FRMD6: variants seen among roughly 807,000 people sequenced by gnomAD.
FRMD6 encodes the protein FERM domain containing 6, also known as FERM domain-containing protein 6.
Under a neutral mutation model 73.2 loss-of-function variants are expected in FRMD6, and 37 were observed. The ratio of observed to expected loss-of-function variants is 0.51; its 90% CI spans 0.39 to 0.66. The LOEUF (loss-of-function observed/expected upper bound fraction) is 0.66, where lower values mean the gene tolerates loss of function less well. Among genes scored for constraint, FRMD6 ranks in the 30% least tolerant of loss-of-function variants. The pLI is 0.00. For synonymous variants in FRMD6, 273 were observed against 282.2 expected, an observed-to-expected ratio of 0.97 and a Z score of 0.33; for missense variants, 714 against 780.5, an observed-to-expected ratio of 0.91 and a Z score of 1.02.
intron 2 of FRMD6, among the ~76,000 whole-genome samples, chr14:51,693,383 T>G (rs1895735409): frequency 6.6e-6 from 1 of 152,170 alleles, no homozygotes; most frequent in African/African-American, 2.4e-5. Flanking sequence ...TCTAACATGG[T>G]TAGGACTATG....
chr14:51,713,081 T>A (rs1381375633), intron 9 of FRMD6, among the ~76,000 whole-genome samples: 1 of 152,172 alleles, frequency 6.6e-6, no homozygotes, highest in Non-Finnish European at 1.5e-5. Flanking sequence ...TTTTCCCAAG[T>A]ATTTCTCTTT....
At chr14:51,571,086 C>T (rs372190286) in intron 2 of FRMD6, among the ~76,000 whole-genome samples, 4 of 152,176 alleles carry the variant, frequency 2.6e-5, no homozygotes, top group East Asian at 1.9e-4. Context: ...AATTAACATC[C>T]ACAGCATGGC....
At chr14:51,644,531 G>A (rs766393952) in intron 2 of FRMD6, among the ~76,000 whole-genome samples, 3 of 152,174 alleles carry the variant, frequency 2.0e-5, no homozygotes, top group Non-Finnish European at 4.4e-5. Context: ...CTGTGCTCAC[G>A]TGAAGCTTAA....
chr14:51,544,918 C>A (rs1366260642), intron 1 of FRMD6, among the ~76,000 whole-genome samples: 1 of 151,934 alleles, frequency 6.6e-6, no homozygotes, highest in African/African-American at 2.4e-5. Context: ...GATTTTAAAT[C>A]CATAATTACA....
At chr14:51,660,979 G>A (rs1893182321) in intron 1 of FRMD6, among the ~76,000 whole-genome samples, 1 of 152,220 alleles carries the variant, frequency 6.6e-6, no homozygotes, top group African/African-American at 2.4e-5. Context: ...AGAGCAGGGA[G>A]AGAAGGAGTA....
chr14:51,662,279 T>C (rs996731210), intron 1 of FRMD6, among the ~76,000 whole-genome samples: 21 of 152,088 alleles, frequency 1.4e-4, no homozygotes, highest in Non-Finnish European at 2.2e-4. Context: ...TTGACATTCT[T>C]TACAGAACTA....
chr14:51,564,894 A>T (rs1224020601), intron 1 of FRMD6, among the ~76,000 whole-genome samples: 1 of 152,256 alleles, frequency 6.6e-6, no homozygotes, highest in Non-Finnish European at 1.5e-5. Flanking sequence ...GTATATATTT[A>T]AAGAGAATCA....
At chr14:51,567,965 A>G (rs1015169489) in intron 1 of FRMD6, among the ~76,000 whole-genome samples, 1 of 152,274 alleles carries the variant, frequency 6.6e-6, no homozygotes, top group African/African-American at 2.4e-5. Flanking sequence ...ACGTAGTTAT[A>G]CTAGGAATGA....
At chr14:51,447,747 C>T in the FRMD6 span, among the ~76,000 whole-genome samples, 16 of 152,336 alleles carry the variant, frequency 1.1e-4, no homozygotes, top group East Asian at 3.1e-3. Flanking sequence ...TCTCCTCACT[C>T]CCCAGCTGTC....
chr14:51,582,989 G>T (rs150877374), intron 2 of FRMD6, among the ~76,000 whole-genome samples: 1 of 152,034 alleles, frequency 6.6e-6, no homozygotes, highest in African/African-American at 2.4e-5. Context: ...TTACTTTCTC[G>T]CCTTTCCTGC....
the FRMD6 span, among the ~76,000 whole-genome samples, chr14:51,441,291 G>A: frequency 2.0e-5 from 3 of 152,160 alleles, no homozygotes; most frequent in African/African-American, 7.2e-5. Flanking sequence ...ACAGTTCCAG[G>A]CCCTGACACT....
intron 1 of FRMD6, among the ~76,000 whole-genome samples, chr14:51,550,353 C>T (rs1886740603): frequency 6.6e-6 from 1 of 152,214 alleles, no homozygotes. Context: ...GATTCTCCCA[C>T]CTCAGCCTCC....
At chr14:51,448,962 T>G in the FRMD6 span, among the ~76,000 whole-genome samples, 1 of 152,222 alleles carries the variant, frequency 6.6e-6, no homozygotes, top group African/African-American at 2.4e-5. Context: ...GTACCTCATC[T>G]CAGGCACCAG....
the FRMD6 span, among the ~76,000 whole-genome samples, chr14:51,469,952 C>CA: frequency 0.13 from 20,085 of 151,496 alleles, 1,502 homozygotes; most frequent in Non-Finnish European, 0.17. Context: ...GACTCCGTCT[C>CA]AAAAAAAAGA....
intron 1 of FRMD6, among the ~76,000 whole-genome samples, chr14:51,514,788 C>T (rs1884524484): frequency 6.6e-6 from 1 of 152,158 alleles, no homozygotes; most frequent in Admixed American, 6.5e-5. Context: ...GTGGAGGCTG[C>T]AGTGAGTCAA....
At chr14:51,453,692 TGCACACAC>T in the FRMD6 span, among the ~76,000 whole-genome samples, 1 of 152,154 alleles carries the variant, frequency 6.6e-6, no homozygotes, top group African/African-American at 2.4e-5. Context: ...CGCATATGTG[TGCACACAC>T]ACAGACACAC....
intron 2 of FRMD6, among the ~76,000 whole-genome samples, chr14:51,580,126 C>CTG (rs1414686193): frequency 1.4e-5 from 2 of 139,664 alleles, no homozygotes; most frequent in African/African-American, 5.1e-5. Flanking sequence ...GTTGTGTGCA[C>CTG]CGTGTGTGTG....
the FRMD6 span, among the ~76,000 whole-genome samples, chr14:51,399,287 C>G: frequency 5.3e-5 from 8 of 152,278 alleles, no homozygotes; most frequent in African/African-American, 1.9e-4. Context: ...CAGGCTACTG[C>G]ATTAAGGGAC....
the FRMD6 span, among the ~76,000 whole-genome samples, chr14:51,482,544 GA>G: frequency 5.9e-5 from 9 of 152,264 alleles, no homozygotes; most frequent in East Asian, 1.9e-4. Flanking sequence ...GAATCACCGG[GA>G]ATAGTGAAAT....
Sources: allele counts gnomAD v4.1 joint callset (sites outside exome capture counted in the v4.1 genomes callset), GRCh38; gene constraint gnomAD v4.1.1; transcripts MANE v1.5; gene names NCBI Gene and HGNC (gene_info 2026-07-23, HGNC 2026-07-21).